CD200R1: variants seen among roughly 807,000 people sequenced by gnomAD.
CD200R1 encodes the protein CD200 receptor 1.
In CD200R1, 30 loss-of-function variants were observed where a neutral mutation model predicts 38.1. The ratio of observed to expected loss-of-function variants is 0.79; its 90% CI spans 0.59 to 1.07. The LOEUF (loss-of-function observed/expected upper bound fraction) is 1.07. Ranked by LOEUF, CD200R1 falls within the 50% of genes least tolerant of loss-of-function variation. The probability of loss-of-function intolerance (pLI) is 0.00; values close to 1 mark genes in which losing one functional copy is unlikely to be tolerated. For synonymous variants in CD200R1, 128 were observed against 152.1 expected, an observed-to-expected ratio of 0.84 and a Z score of 1.16; for missense variants, 372 against 415.4, an observed-to-expected ratio of 0.90 and a Z score of 0.91.
chr3:112,927,728 G>C (rs1289450359), intron 5 of CD200R1, among the ~76,000 whole-genome samples: 1 of 151,912 alleles, frequency 6.6e-6, no homozygotes. Flanking sequence ...AACTCAAGAA[G>C]GAATGACTTT....
intron 1 of CD200R1, among the ~76,000 whole-genome samples, chr3:112,959,605 T>C (rs1932964071): frequency 6.6e-6 from 1 of 152,134 alleles, no homozygotes; most frequent in African/African-American, 2.4e-5. Context: ...AAAATAAATA[T>C]ACATTGAAAT....
intron 2 of CD200R1, among the ~76,000 whole-genome samples, chr3:112,938,621 C>T (rs564053210): frequency 6.6e-6 from 1 of 151,834 alleles, no homozygotes; most frequent in Admixed American, 6.6e-5. Context: ...AAAAGTCTCC[C>T]AACAAAGAAA....
chr3:112,952,814 T>A (rs951485520), intron 1 of CD200R1, among the ~76,000 whole-genome samples: 6 of 151,926 alleles, frequency 3.9e-5, no homozygotes, highest in African/African-American at 4.8e-5. Context: ...AAATAAATAA[T>A]TTTTCGTGGA....
intron 1 of CD200R1, among the ~76,000 whole-genome samples, chr3:112,949,804 C>G (rs1370243736): frequency 1.3e-5 from 2 of 152,174 alleles, no homozygotes; most frequent in Non-Finnish European, 2.9e-5. Context: ...ACAAAGGCAT[C>G]TGGACACAGA....
rs1413817877 is a variant in CD200R1 at position 112,947,845 on chromosome 3, A to T, written c.136+11T>A. 1 of 1,590,288 alleles carries T rather than the reference A, an allele frequency of 6.3e-7. No individual in the cohort carries two copies. The highest frequency in any genetic ancestry group is 8.6e-7 in the Non-Finnish European group (1 of 1,158,358). ...CCCCTACTAGAATTATTGTTAAAAG[A>T]TGCACATTACCTAAAGCATGATTCT... On this transcript the variant is annotated intron_variant, in intron 2 of 7. Transcript: ENST00000308611.
At position 112,922,859 on chromosome 3, in the gene CD200R1, T is replaced by C. The variant is rs1029908452; in HGVS notation, c.*818A>G. 1.3e-5 allele frequency: 2 copies of C among 151,878 alleles called. No individual in the cohort carries two copies. The highest frequency in any genetic ancestry group is 2.9e-5 in the Non-Finnish European group (2 of 67,864). 9.4% of individuals were successfully genotyped at this position (151,878 alleles called of 1,614,324 possible). A position where few individuals can be genotyped will look rare whatever the true frequency, so the allele number is the denominator to read the frequency against. On this transcript the variant is annotated 3_prime_UTR_variant, in exon 8 of 8. Transcript: ENST00000308611. ...AAACAATGTTGGAGGGAATTTGACA[T>C]ATATATTTGACACAATTTAACATAT...
rs1398353400 is a variant in CD200R1, at chr3:112,921,364, T to C, written c.*2313A>G. ...CAATTATATCTCAGTAAAGCCGTTT[T>C]CAGAAGTTTGTAAGTGAAGCATAAC... On this transcript the variant is annotated 3_prime_UTR_variant, in exon 8 of 8. Coordinates refer to ENST00000308611, the MANE Select transcript of CD200R1 (RefSeq NM_138806.4). 1.3e-5 allele frequency: 2 copies of C among 152,090 alleles called. No individual in the cohort carries two copies. Among genetic ancestry groups the C allele is most frequent in the Non-Finnish European group, 2.9e-5 (2 of 68,012 alleles). 9.4% of individuals were successfully genotyped at this position (152,090 alleles called of 1,614,324 possible).
At chr3:112,939,715 C>A (rs1940677934) in intron 2 of CD200R1, among the ~76,000 whole-genome samples, 1 of 151,254 alleles carries the variant, frequency 6.6e-6, no homozygotes. Context: ...CCCATACTAC[C>A]CAAAGTAGTC....
chr3:112,968,603 C>G (rs1933223995), intron 1 of CD200R1, among the ~76,000 whole-genome samples: 1 of 152,188 alleles, frequency 6.6e-6, no homozygotes, highest in South Asian at 2.1e-4. Flanking sequence ...GATGATACCA[C>G]ATTAGGCAGC....
chr3:112,964,324 C>T (rs1318030830), intron 1 of CD200R1, among the ~76,000 whole-genome samples: 1 of 152,148 alleles, frequency 6.6e-6, no homozygotes, highest in Admixed American at 6.5e-5. Flanking sequence ...GCACTCTGCC[C>T]CTGTAAAGGT....
intron 1 of CD200R1, among the ~76,000 whole-genome samples, chr3:112,961,972 G>T (rs1258193576): frequency 2.6e-5 from 4 of 152,076 alleles, no homozygotes; most frequent in African/African-American, 9.7e-5. Context: ...AAAAAGAAAG[G>T]TGAGAAGTGT....
At chr3:112,945,857 G>T (rs986542992) in intron 2 of CD200R1, among the ~76,000 whole-genome samples, 1 of 151,824 alleles carries the variant, frequency 6.6e-6, no homozygotes, top group Admixed American at 6.6e-5. Flanking sequence ...GTGAAACCCC[G>T]TCTCTACTAA....
intron 2 of CD200R1, among the ~76,000 whole-genome samples, chr3:112,932,623 C>G (rs952058884): frequency 2.0e-5 from 3 of 151,972 alleles, no homozygotes; most frequent in Non-Finnish European, 2.9e-5. Context: ...GCAGATACAC[C>G]CCCATGACTA....
At chr3:112,935,315 C>A (rs530602339) in intron 2 of CD200R1, among the ~76,000 whole-genome samples, 1 of 152,276 alleles carries the variant, frequency 6.6e-6, no homozygotes. Flanking sequence ...ATGGAACATT[C>A]TCCAGAATTG....
chr3:112,936,574 A>G (rs140507562), intron 2 of CD200R1, among the ~76,000 whole-genome samples: 1 of 151,804 alleles, frequency 6.6e-6, no homozygotes, highest in African/African-American at 2.4e-5. Flanking sequence ...GCTTTTTTTC[A>G]TATGTTTCTT....
chr3:112,972,380 C>T (rs1388682906), intron 1 of CD200R1, among the ~76,000 whole-genome samples: 7 of 152,034 alleles, frequency 4.6e-5, no homozygotes, highest in Non-Finnish European at 7.4e-5. Context: ...TGGAAGACAA[C>T]AATAAATGAA....
chr3:112,964,629 G>A (rs992324839), intron 1 of CD200R1, among the ~76,000 whole-genome samples: 1 of 152,314 alleles, frequency 6.6e-6, no homozygotes, highest in Non-Finnish European at 1.5e-5. Context: ...TAACTAACTT[G>A]CTTTTGATTT....
chr3:112,947,874 T>G lies in CD200R1; in HGVS notation c.118A>C (p.Lys40Gln), dbSNP rs1439463017. 1 of 1,612,632 alleles carries G rather than the reference T, an allele frequency of 6.2e-7. No individual in the cohort carries two copies. The highest frequency in any genetic ancestry group is 2.2e-5 in the East Asian group (1 of 44,858). ...PNNSLMLQTS[K>Q]ENHALASSSL... The stretch of plus-strand genomic sequence containing the variant: ...ACATTACCTAAAGCATGATTCTCCT[T>G]GCTAGTTTGCAGCATTAATGAGTTG... The change falls in exon 2 of 8, where the codon AAG (lysine) becomes CAG (glutamine). Residue 40 changes from lysine to glutamine, a missense_variant. By Grantham distance (53) the Lys-to-Gln change is moderately conservative. Coordinates refer to ENST00000308611, the MANE Select transcript of CD200R1 (RefSeq NM_138806.4).
chr3:112,969,227 G>GT (rs1311597775), intron 1 of CD200R1, among the ~76,000 whole-genome samples: 2 of 152,074 alleles, frequency 1.3e-5, no homozygotes, highest in Non-Finnish European at 2.9e-5. Flanking sequence ...AAAGGAAATT[G>GT]TAATTGTCAG....
Sources: gnomAD v4.1 joint callset for allele counts (sites outside exome capture counted in the v4.1 genomes callset) on GRCh38, gnomAD v4.1.1 for gene constraint, MANE v1.5 for transcripts, NCBI Gene and HGNC (gene_info 2026-07-23, HGNC 2026-07-21) for gene names.